The following ZFHX3 variants were observed in gnomAD, a reference collection of about 807,000 sequenced individuals.
ZFHX3 encodes zinc finger homeobox protein 3.
Under a neutral mutation model 279.1 loss-of-function variants are expected in ZFHX3, and 42 were observed. The ratio of observed to expected loss-of-function variants is 0.15; its 90% CI spans 0.12 to 0.19. ZFHX3 has a LOEUF of 0.19. ZFHX3 is among the 10% of genes least tolerant of loss of function. The pLI is 1.00. For missense variants in ZFHX3, 4,981 were observed against 4,754.0 expected (o/e 1.05, Z -1.40); for synonymous variants, 2,293 against 1,957.8 (o/e 1.17, Z -4.52).
intron 2 of ZFHX3, among the ~76,000 whole-genome samples, chr16:73,667,141 G>A (rs1052407223): frequency 9.9e-5 from 15 of 151,950 alleles, no homozygotes; most frequent in African/African-American, 3.4e-4. Flanking sequence ...ACAGGTGCCC[G>A]CCACCACGCC....
chr16:73,111,744 G>A (rs1204133058), intron 7 of ZFHX3, among the ~76,000 whole-genome samples: 6 of 151,328 alleles, frequency 4.0e-5, no homozygotes. Context: ...CAGAGGGAGG[G>A]AGGAAGGAAG....
chr16:73,181,246 A>G (rs933486463), intron 5 of ZFHX3, among the ~76,000 whole-genome samples: 1 of 152,080 alleles, frequency 6.6e-6, no homozygotes, highest in African/African-American at 2.4e-5. Flanking sequence ...GATTACAGGC[A>G]CACGCCAGCA....
chr16:73,053,368 G>A (rs1965483918), intron 1 of ZFHX3, among the ~76,000 whole-genome samples: 1 of 152,106 alleles, frequency 6.6e-6, no homozygotes, highest in South Asian at 2.1e-4. Flanking sequence ...GAGGCTGCGG[G>A]GGCAAGGCCT....
At chr16:73,761,775 G>A (rs1419741961) in intron 1 of ZFHX3, among the ~76,000 whole-genome samples, 1 of 152,166 alleles carries the variant, frequency 6.6e-6, no homozygotes, top group Non-Finnish European at 1.5e-5. Flanking sequence ...ATAACTGGTA[G>A]CCATATGCAG....
intron 4 of ZFHX3, among the ~76,000 whole-genome samples, chr16:72,836,842 A>G (rs143273436): frequency 5.3e-4 from 81 of 152,244 alleles, no homozygotes; most frequent in Middle Eastern, 3.4e-3. Flanking sequence ...AGGGGTGAAG[A>G]CTGAGTGCAG....
At chr16:73,373,407 G>C (rs2016666832) in intron 3 of ZFHX3, among the ~76,000 whole-genome samples, 1 of 152,146 alleles carries the variant, frequency 6.6e-6, no homozygotes, top group South Asian at 2.1e-4. Flanking sequence ...TCAGGAGATG[G>C]ACCTTTGTGG....
intron 2 of ZFHX3, among the ~76,000 whole-genome samples, chr16:73,544,280 C>T (rs2020071763): frequency 6.6e-6 from 1 of 152,176 alleles, no homozygotes; most frequent in Admixed American, 6.5e-5. Flanking sequence ...CTTCTCTTTT[C>T]CTTCTCTTCT....
chr16:73,771,971 A>G (rs951165552), intron 1 of ZFHX3, among the ~76,000 whole-genome samples: 2 of 152,056 alleles, frequency 1.3e-5, no homozygotes, highest in African/African-American at 2.4e-5. Flanking sequence ...AGTCCACTCA[A>G]GTTTGTTCTC....
intron 1 of ZFHX3, among the ~76,000 whole-genome samples, chr16:72,989,624 A>C (rs1962998054): frequency 6.6e-6 from 1 of 152,226 alleles, no homozygotes; most frequent in Non-Finnish European, 1.5e-5. Flanking sequence ...AACATACCAC[A>C]TACTTATTTC....
intron 1 of ZFHX3, among the ~76,000 whole-genome samples, chr16:73,751,976 A>G (rs1466687473): frequency 6.6e-6 from 1 of 152,214 alleles, no homozygotes; most frequent in Non-Finnish European, 1.5e-5. Flanking sequence ...GATTTGGAAC[A>G]GGGATTCTGA....
At chr16:73,441,681 C>A (rs1414187320) in intron 3 of ZFHX3, among the ~76,000 whole-genome samples, 1 of 152,116 alleles carries the variant, frequency 6.6e-6, no homozygotes, top group Non-Finnish European at 1.5e-5. Context: ...CGCCAACCAC[C>A]CTGAGCTGGG....
chr16:73,002,075 G>A (rs1267330519), intron 1 of ZFHX3, among the ~76,000 whole-genome samples: 2 of 152,094 alleles, frequency 1.3e-5, no homozygotes, highest in African/African-American at 2.4e-5. Flanking sequence ...TGGAATTTTA[G>A]GGTTGAAGAA....
At chr16:73,881,620 C>A (rs1459582787) in intron 1 of ZFHX3, among the ~76,000 whole-genome samples, 3 of 151,704 alleles carry the variant, frequency 2.0e-5, no homozygotes, top group Non-Finnish European at 4.4e-5. Flanking sequence ...TTTTAACTGT[C>A]AGCATCTTGA....
intron 3 of ZFHX3, among the ~76,000 whole-genome samples, chr16:73,397,540 G>A (rs1365911044): frequency 6.6e-6 from 1 of 152,192 alleles, no homozygotes; most frequent in African/African-American, 2.4e-5. Context: ...CACCTTTGGC[G>A]ATGGCATAGA....
At chr16:73,311,271 C>T (rs1054102797) in intron 4 of ZFHX3, among the ~76,000 whole-genome samples, 6 of 151,142 alleles carry the variant, frequency 4.0e-5, no homozygotes, top group Non-Finnish European at 7.4e-5. Context: ...AATACACAAA[C>T]AAACACCCCA....
chr16:73,620,185 G>C (rs1270893442), intron 2 of ZFHX3, among the ~76,000 whole-genome samples: 2 of 152,180 alleles, frequency 1.3e-5, no homozygotes, highest in Admixed American at 1.3e-4. Flanking sequence ...ATGGGTGGGG[G>C]CACCCAGCAT....
intron 2 of ZFHX3, among the ~76,000 whole-genome samples, chr16:73,632,257 G>A (rs2052481017): frequency 2.0e-5 from 3 of 152,164 alleles, no homozygotes; most frequent in Non-Finnish European, 1.5e-5. Flanking sequence ...TACCCTTGAA[G>A]TGGTTATATT....
intron 5 of ZFHX3, chr16:73,232,957 T>TGGGTTCA (rs1597233185): frequency 6.6e-6 from 1 of 151,240 alleles, no homozygotes; most frequent in East Asian, 2.0e-4. Flanking sequence ...GAGACAGTGA[T>TGGGTTCA]GGGTTCAGTG....
chr16:73,530,646 C>T (rs1345965492), intron 2 of ZFHX3, among the ~76,000 whole-genome samples: 1 of 152,134 alleles, frequency 6.6e-6, no homozygotes, highest in Non-Finnish European at 1.5e-5. Flanking sequence ...ACCCTATCAA[C>T]ATTCCTCAAT....
Sources: gnomAD v4.1 joint callset for allele counts (sites outside exome capture counted in the v4.1 genomes callset) on GRCh38, gnomAD v4.1.1 for gene constraint, MANE v1.5 for transcripts, NCBI Gene and HGNC (gene_info 2026-07-23, HGNC 2026-07-21) for gene names.